Variants in RCL1 observed in about 807,000 individuals in gnomAD.
The protein encoded by RCL1 is RNA terminal phosphate cyclase like 1, also known as RNA 3'-terminal phosphate cyclase-like protein.
RCL1 carries 24 observed loss-of-function variants against 42.4 expected under a neutral mutation model. The observed-to-expected ratio is 0.57, with a 90% CI of 0.41 to 0.80. The LOEUF is 0.80. Among genes scored for constraint, RCL1 ranks in the 30% least tolerant of loss-of-function variants. The pLI, the probability that RCL1 is intolerant of heterozygous loss-of-function variation, is 0.00. For missense variants in RCL1, 578 were observed against 467.9 expected (o/e 1.24, Z -2.17); for synonymous variants, 228 against 177.3 (o/e 1.29, Z -2.27).
intron 3 of RCL1, chr9:4,827,477 G>C: frequency 3.3e-6 from 1 of 304,332 alleles, no homozygotes; most frequent in Non-Finnish European, 6.0e-6. Context: ...ATAAACTCAA[G>C]GGCTTTCTTC....
Position 4,817,992 on chromosome 9 carries a change from C to T in RCL1, c.137-5556C>T, listed in dbSNP as rs183151847. On this transcript the variant is annotated intron_variant, in intron 1 of 8. Coordinates refer to ENST00000381750, the MANE Select transcript of RCL1 (RefSeq NM_005772.5). Reference sequence around the variant, plus strand: ...CTGGAGTGTAGTGGTGCAATCTCGTCTCACTGCAACTTCTGCCTCCTAGGT... The same window carrying T: ...CTGGAGTGTAGTGGTGCAATCTCGTTTCACTGCAACTTCTGCCTCCTAGGT... Among the ~76,000 whole-genome samples the T allele has an allele frequency of 1.8e-3, 246 of 135,344 alleles. 1 individual carries two copies. Among genetic ancestry groups the T allele is most frequent in the African/African-American group, 6.8e-3 (239 of 35,148 alleles). 88.8% of individuals were successfully genotyped at this position (135,344 alleles called of 152,430 possible).
chr9:4,797,292 A>G (rs1006743698), intron 1 of RCL1, among the ~76,000 whole-genome samples: 2 of 152,234 alleles, frequency 1.3e-5, no homozygotes, highest in African/African-American at 2.4e-5. Context: ...TTTTATTATT[A>G]TGTAGCTTGA....
At position 4,851,006 on chromosome 9, in the gene RCL1, A is replaced by G. The variant is rs77904451; in HGVS notation, c.971+1456A>G. 5.8e-4 allele frequency among the ~76,000 whole-genome samples: 89 copies of G among 152,162 alleles called. 1 individual carries two copies. Among genetic ancestry groups the G allele is most frequent in the Non-Finnish European group, 8.1e-4 (55 of 68,010 alleles). On this transcript the variant is annotated intron_variant, in intron 8 of 8. Transcript: ENST00000381750. ...AACATTCTGTGAAAATGGAATACAT[A>G]TATGTTTTTTTTCGTGACACTTTTT...
intron 3 of RCL1, among the ~76,000 whole-genome samples, chr9:4,831,341 C>T (rs1391055860): frequency 1.3e-5 from 2 of 148,934 alleles, no homozygotes; most frequent in Admixed American, 1.3e-4. Context: ...CCGGTGGCTG[C>T]CCAGAGTAAC....
At chr9:4,850,308 T>G (rs374692878) in intron 8 of RCL1, 1 of 534,210 alleles carries the variant, frequency 1.9e-6, no homozygotes, top group Non-Finnish European at 3.8e-6. Flanking sequence ...CTGTCCTTTT[T>G]CGGTTATCAT....
chr9:4,835,252 A>G (rs1238792355), intron 5 of RCL1, among the ~76,000 whole-genome samples: 2 of 152,244 alleles, frequency 1.3e-5, no homozygotes, highest in Non-Finnish European at 2.9e-5. Context: ...CTGTGAGGCC[A>G]CCAAAACTTG....
chr9:4,798,165 G>A (rs1415209129), intron 1 of RCL1, among the ~76,000 whole-genome samples: 2 of 152,178 alleles, frequency 1.3e-5, no homozygotes, highest in Non-Finnish European at 2.9e-5. Context: ...ATTTCACAGC[G>A]TGATGGACCT....
chr9:4,806,678 G>C (rs1429579204), intron 1 of RCL1, among the ~76,000 whole-genome samples: 1 of 146,782 alleles, frequency 6.8e-6, no homozygotes, highest in African/African-American at 2.5e-5. Context: ...CTAATGTTTT[G>C]TTAAGGACTT....
At chr9:4,809,996 T>C (rs1475879462) in intron 1 of RCL1, among the ~76,000 whole-genome samples, 1 of 152,160 alleles carries the variant, frequency 6.6e-6, no homozygotes, top group Non-Finnish European at 1.5e-5. Context: ...TTTGTATTTT[T>C]GGTAGAGATG....
intron 5 of RCL1, among the ~76,000 whole-genome samples, chr9:4,835,219 C>T (rs10217439): frequency 0.018 from 2,712 of 152,130 alleles, 66 homozygotes; most frequent in African/African-American, 0.059. Context: ...CTATGCAGAA[C>T]GCAAAGAAAG....
At chr9:4,841,797 T>C (rs191744176) in intron 6 of RCL1, among the ~76,000 whole-genome samples, 71 of 152,358 alleles carry the variant, frequency 4.7e-4, no homozygotes, top group African/African-American at 1.6e-3. Context: ...AAAGTTGTTA[T>C]TGCAGACGTG....
Position 4,814,551 on chromosome 9 carries a change from G to A in RCL1, c.137-8997G>A, listed in dbSNP as rs376992895. Among the ~76,000 whole-genome samples, 138 of 152,280 alleles carry A rather than the reference G, an allele frequency of 9.1e-4. 1 individual carries two copies. The highest frequency in any genetic ancestry group is 2.1e-3 in the South Asian group (10 of 4,824). On this transcript the variant is annotated intron_variant, in intron 1 of 8. Coordinates refer to ENST00000381750, the MANE Select transcript of RCL1 (RefSeq NM_005772.5). ...CAAAGTGTTGGGATTCTAGGCATGA[G>A]CCACAGTACTTAGCCTCCTGTCCTT... is the stretch of plus-strand genomic sequence containing the variant.
chr9:4,804,173 A>C (rs1039085099), intron 1 of RCL1: 1 of 152,830 alleles, frequency 6.5e-6, no homozygotes, highest in Non-Finnish European at 1.5e-5. Context: ...TGGGTGGCAC[A>C]GAAGCCCAGG....
intron 8 of RCL1, among the ~76,000 whole-genome samples, chr9:4,852,692 G>C (rs976232207): frequency 2.0e-5 from 3 of 152,050 alleles, no homozygotes; most frequent in Non-Finnish European, 4.4e-5. Context: ...TGCCTGAGGA[G>C]CTGTCAGTGC....
intron 1 of RCL1, among the ~76,000 whole-genome samples, chr9:4,811,695 T>G (rs1816182566): frequency 6.6e-6 from 1 of 152,240 alleles, no homozygotes; most frequent in Non-Finnish European, 1.5e-5. Context: ...GACATTGATT[T>G]CTTTCCTTTT....
intron 1 of RCL1, among the ~76,000 whole-genome samples, chr9:4,793,527 G>A (rs779036538): frequency 6.6e-6 from 1 of 152,218 alleles, no homozygotes; most frequent in Non-Finnish European, 1.5e-5. Flanking sequence ...TCGCCCCTTC[G>A]CGTCCCTTCG....
chr9:4,859,521 T>C lies in RCL1; in HGVS notation c.972-604T>C, dbSNP rs1179776437. Among the ~76,000 whole-genome samples, 8 of 152,294 alleles carry C rather than the reference T, an allele frequency of 5.3e-5. No homozygotes were observed. In the East Asian group the frequency reaches 1.5e-3, roughly 29 times the overall value. On this transcript the variant is annotated intron_variant, in intron 8 of 8. Transcript: ENST00000381750. Reference sequence around the variant, plus strand: ...CAGTGCCTAGCATACAGTAGGCACTTGATACATATTAAGTAAATGCGAGGG... The same window carrying C: ...CAGTGCCTAGCATACAGTAGGCACTCGATACATATTAAGTAAATGCGAGGG...
chr9:4,830,811 AGATT>A (rs1444240281), intron 3 of RCL1, among the ~76,000 whole-genome samples: 1 of 152,050 alleles, frequency 6.6e-6, no homozygotes, highest in African/African-American at 2.4e-5. Flanking sequence ...TTTTTAGCAT[AGATT>A]GATTACATTT....
chr9:4,834,137 G>T lies in RCL1; in HGVS notation c.460-4G>T, dbSNP rs753750304. 2.5e-6 allele frequency: 4 copies of T among 1,612,322 alleles called. No individual in the cohort carries two copies. In the South Asian group the frequency reaches 4.4e-5, roughly 18 times the overall value. On this transcript the variant is annotated splice_polypyrimidine_tract_variant and splice_region_variant and intron_variant, in intron 4 of 8. Transcript: ENST00000381750. ...TCGCCTCATCTTTCTCACTCTCTGT[G>T]TAGATTGTGCGACGGGGAATGCCTC...
Sources: allele counts gnomAD v4.1 joint callset (sites outside exome capture counted in the v4.1 genomes callset), GRCh38; gene constraint gnomAD v4.1.1; transcripts MANE v1.5; gene names NCBI Gene and HGNC (gene_info 2026-07-23, HGNC 2026-07-21).